The following ESYT2 variants were observed in gnomAD, a reference collection of about 807,000 sequenced individuals.
The protein encoded by ESYT2 is extended synaptotagmin 2, also known as extended synaptotagmin-2.
Under a neutral mutation model 107.2 loss-of-function variants are expected in ESYT2, and 54 were observed. That is an observed-to-expected ratio of 0.50 (90% CI 0.40 to 0.63). The LOEUF (loss-of-function observed/expected upper bound fraction) is 0.63. Ranked by LOEUF, ESYT2 falls within the 30% of genes least tolerant of loss-of-function variation. The pLI, the probability that ESYT2 is intolerant of heterozygous loss-of-function variation, is 0.00. For missense variants in ESYT2, 1,020 were observed against 1,094.5 expected (o/e 0.93, Z 0.96); for synonymous variants, 491 against 434.1 (o/e 1.13, Z -1.63).
At chr7:158,805,116 C>T (rs991852709) in intron 1 of ESYT2, among the ~76,000 whole-genome samples, 8 of 152,200 alleles carry the variant, frequency 5.3e-5, no homozygotes, top group African/African-American at 1.7e-4. Flanking sequence ...CTGCTCGTCC[C>T]CACAGCTGGG....
rs922404528 is a variant in ESYT2 at position 158,764,785 on chromosome 7, A to C, written c.993T>G (p.Leu331=). The C allele has an allele frequency of 9.3e-6, 15 of 1,614,090 alleles. No individual in the cohort carries two copies. The highest frequency in any genetic ancestry group is 1.2e-5 in the Non-Finnish European group (14 of 1,180,044). Residue 331 remains leucine (L), a synonymous_variant, in exon 9 of 23, where the codon CTT becomes CTG. Transcript: ENST00000275418. ...LQGKDTYLKG[L]VKGKSDPYGI... is the part of the protein sequence containing the mutation. ...CATAGGGGTCTGACTTTCCCTTGAC[A>C]AGTCCCTTAAGGTAAGTGTCTTTCC...
At chr7:158,809,998 C>T (rs368608418) in intron 1 of ESYT2, among the ~76,000 whole-genome samples, 83 of 152,338 alleles carry the variant, frequency 5.4e-4, no homozygotes, top group African/African-American at 1.9e-3. Context: ...CTACGTTAAA[C>T]TTAATTTGTC....
Position 158,737,094 on chromosome 7 carries a change from T to C in ESYT2, c.2353A>G (p.Lys785Glu). ...AATGTTTTCTTTGACACGTGTGTTT[T>C]CCTCCTTCCTGACCGCCTCTTGTCT... ...LPDKRRSGRR[K>E]THVSKKTLNP... Residue 785 changes from lysine (K) to glutamate (E), a missense_variant, in exon 20 of 23, where the codon AAA becomes GAA. By Grantham distance (56) the Lys-to-Glu change is moderately conservative. Coordinates refer to ENST00000275418, the MANE Select transcript of ESYT2 (RefSeq NM_001367773.1). 6.2e-7 allele frequency: 1 copy of C among 1,614,020 alleles called. No homozygotes were observed. Among genetic ancestry groups the C allele is most frequent in the Non-Finnish European group, 8.5e-7 (1 of 1,179,922 alleles).
intron 1 of ESYT2, among the ~76,000 whole-genome samples, chr7:158,804,737 T>C (rs1316152145): frequency 1.9e-5 from 2 of 105,796 alleles, no homozygotes; most frequent in African/African-American, 3.7e-5. Flanking sequence ...AGTGAGGCGC[T>C]TGATAAACCC....
chr7:158,791,843 T>C (rs1291227962), intron 4 of ESYT2, among the ~76,000 whole-genome samples: 5 of 152,224 alleles, frequency 3.3e-5, no homozygotes, highest in Non-Finnish European at 7.3e-5. Flanking sequence ...GATTCATGAT[T>C]ATAGGGACTG....
chr7:158,734,397 CTCTG>C lies in ESYT2; in HGVS notation c.2555+21_2555+24del, dbSNP rs756750500. ...GCGTTTTTAGCTACACACTGGGGTT[CTCTG>C]TCTGCAGCAGGGACACTCACCACTG... On this transcript the variant is annotated intron_variant, in intron 22 of 22. Coordinates refer to ENST00000275418, the MANE Select transcript of ESYT2 (RefSeq NM_001367773.1). 5 of 1,613,190 alleles carry C rather than the reference CTCTG, an allele frequency of 3.1e-6. No individual in the cohort carries two copies. The African/African-American group carries it at 6.7e-5, about 22-fold the overall frequency.
chr7:158,786,333 T>G (rs1839114825), intron 6 of ESYT2, among the ~76,000 whole-genome samples: 1 of 152,186 alleles, frequency 6.6e-6, no homozygotes, highest in Non-Finnish European at 1.5e-5. Context: ...AAGTTAAAAA[T>G]ACTTAGCAAT....
At position 158,735,419 on chromosome 7, in the gene ESYT2, A is replaced by G. The variant is rs780755403; in HGVS notation, c.2505+84T>C. 3.1e-4 allele frequency: 358 copies of G among 1,147,152 alleles called. 1 individual carries two copies. The highest frequency in any genetic ancestry group is 1.2e-3 in the Middle Eastern group (6 of 4,950). 71.1% of individuals were successfully genotyped at this position (1,147,152 alleles called of 1,614,324 possible). The stretch of plus-strand genomic sequence containing the variant: ...GTAAGTTCGCCCCTTCCACTTACAC[A>G]GACATGGTCTAAACACTGCACTGCA... On this transcript the variant is annotated intron_variant, in intron 21 of 22. Transcript: ENST00000275418.
intron 1 of ESYT2, among the ~76,000 whole-genome samples, chr7:158,804,125 C>T (rs113629576): frequency 1.0e-3 from 28 of 27,460 alleles, no homozygotes; most frequent in African/African-American, 7.5e-3. Context: ...CCCAAACCGT[C>T]GAGAAGGGTG....
At chr7:158,787,905 A>C (rs1839163370) in intron 6 of ESYT2, 99 bp downstream of exon 6, 1 of 894,946 alleles carries the variant, frequency 1.1e-6, no homozygotes, top group Non-Finnish European at 1.8e-6. Context: ...GACAACGGTG[A>C]GTTGATAAAA....
At chr7:158,789,962 G>T (rs72505584) in intron 4 of ESYT2, among the ~76,000 whole-genome samples, 14,706 of 152,182 alleles carry the variant, frequency 0.097, 1,092 homozygotes, top group East Asian at 0.43. Flanking sequence ...CTCGCTCGGT[G>T]CTGGGGACAC....
chr7:158,742,935 C>CATT (rs1254706864), intron 17 of ESYT2, among the ~76,000 whole-genome samples: 2 of 152,186 alleles, frequency 1.3e-5, no homozygotes, highest in Non-Finnish European at 2.9e-5. Flanking sequence ...AGGCTGTTCC[C>CATT]ATTGCCCCCT....
intron 7 of ESYT2, among the ~76,000 whole-genome samples, chr7:158,771,610 G>A (rs1294643111): frequency 1.3e-5 from 2 of 152,136 alleles, no homozygotes; most frequent in African/African-American, 4.8e-5. Flanking sequence ...AGCCCACGAG[G>A]GACACGCCCA....
At position 158,749,607 on chromosome 7, in the gene ESYT2, G is replaced by T. The variant is rs143720856; in HGVS notation, c.1557+42C>A. The T allele has an allele frequency of 2.3e-5, 37 of 1,598,726 alleles. No individual in the cohort carries two copies. The African/African-American group carries it at 3.8e-4, about 16-fold the overall frequency. ...TGAGACGGCAACACGGACAGCGCCCGCACGACAGGCACCAAGGCTGAGTCC... is the reference window on the plus strand; with the variant it reads ...TGAGACGGCAACACGGACAGCGCCCTCACGACAGGCACCAAGGCTGAGTCC... On this transcript the variant is annotated intron_variant, in intron 15 of 22. Coordinates refer to ENST00000275418, the MANE Select transcript of ESYT2 (RefSeq NM_001367773.1).
At chr7:158,747,905 G>C (rs534003837) in intron 16 of ESYT2, among the ~76,000 whole-genome samples, 27 of 152,266 alleles carry the variant, frequency 1.8e-4, no homozygotes, top group Admixed American at 9.8e-4. Context: ...AACAACACAG[G>C]TAAACCTCAG....
chr7:158,781,983 A>AGG (rs1260910852), intron 6 of ESYT2, among the ~76,000 whole-genome samples: 2 of 18,380 alleles, frequency 1.1e-4, no homozygotes, highest in Non-Finnish European at 2.8e-4. Context: ...AAAGTGTGAG[A>AGG]TGTGTGTAAT....
chr7:158,791,003 A>C (rs1460254504), intron 4 of ESYT2, among the ~76,000 whole-genome samples: 1 of 152,210 alleles, frequency 6.6e-6, no homozygotes, highest in African/African-American at 2.4e-5. Flanking sequence ...ACTCAGTGGT[A>C]CTAAACACAT....
chr7:158,808,094 G>A (rs1369281011), intron 1 of ESYT2, among the ~76,000 whole-genome samples: 1 of 152,178 alleles, frequency 6.6e-6, no homozygotes, highest in Non-Finnish European at 1.5e-5. Flanking sequence ...TAAAGTGTTT[G>A]AAAACTGAAC....
intron 1 of ESYT2, among the ~76,000 whole-genome samples, chr7:158,817,717 G>A (rs989706576): frequency 1.3e-5 from 2 of 152,210 alleles, no homozygotes; most frequent in South Asian, 2.1e-4. Context: ...TTTAAACCTG[G>A]CAAAATAAAA....
Sources: allele counts gnomAD v4.1 joint callset (sites outside exome capture counted in the v4.1 genomes callset), GRCh38; gene constraint gnomAD v4.1.1; transcripts MANE v1.5; gene names NCBI Gene and HGNC (gene_info 2026-07-23, HGNC 2026-07-21).